MSN: variants seen among roughly 807,000 people sequenced by gnomAD.
The protein encoded by MSN is moesin.
MSN carries 2 observed loss-of-function variants against 48.0 expected under a neutral mutation model. That is an observed-to-expected ratio of 0.04 (90% confidence interval 0.02 to 0.13). The LOEUF (loss-of-function observed/expected upper bound fraction) is 0.13. MSN is among the 10% of genes least tolerant of loss of function. The pLI, the probability that MSN is intolerant of heterozygous loss-of-function variation, is 1.00. For missense variants in MSN, 267 were observed against 470.1 expected (o/e 0.57, Z 3.99); for synonymous variants, 146 against 166.9 (o/e 0.87, Z 0.97).
At chrX:65,729,364 T>C in intron 3 of MSN, 74 bp from the exon 4 acceptor site, 2 of 1,095,908 alleles carry the variant, frequency 1.8e-6, no homozygotes, top group Admixed American at 5.4e-5. Flanking sequence ...TTCAGTGTTT[T>C]CTCCCCACCC....
At chrX:65,603,154 C>T (rs2070251703) in intron 1 of MSN, among the ~76,000 whole-genome samples, 1 of 111,206 alleles carries the variant, frequency 9.0e-6, no homozygotes, top group Non-Finnish European at 1.9e-5. Context: ...ATTATTTGGG[C>T]GAGATGGTGG....
rs2071732946 is a variant in MSN at position 65,741,217 on chromosome X, C to G, written c.*1324C>G. On this transcript the variant is annotated 3_prime_UTR_variant, in exon 13 of 13. Coordinates refer to ENST00000360270, the MANE Select transcript of MSN (RefSeq NM_002444.3). ...GGCCTAGTCCCTTCCACACCCCCAC[C>G]CCTTGCTCTCAACCCAGGAGCATCC... 5.9e-6 allele frequency: 1 copy of G among 168,396 alleles called. No homozygotes were observed. Among genetic ancestry groups the G allele is most frequent in the Admixed American group, 8.0e-5 (1 of 12,424 alleles). 13.9% of individuals were successfully genotyped at this position (168,396 alleles called of 1,213,427 possible).
At chrX:65,688,076 G>C (rs777166756) in intron 1 of MSN, among the ~76,000 whole-genome samples, 5 of 111,902 alleles carry the variant, frequency 4.5e-5, no homozygotes, top group Admixed American at 9.5e-5. Context: ...CTCTTGACAG[G>C]TTGGCTGGCA....
chrX:65,721,478 G>A (rs996388955), intron 2 of MSN, among the ~76,000 whole-genome samples: 6 of 111,901 alleles, frequency 5.4e-5, no homozygotes, highest in Non-Finnish European at 1.1e-4. Context: ...TTCAGATGAG[G>A]GAGCTATGAA....
intron 1 of MSN, among the ~76,000 whole-genome samples, chrX:65,669,052 C>T (rs899255178): frequency 8.9e-6 from 1 of 111,796 alleles, no homozygotes; most frequent in Non-Finnish European, 1.9e-5. Context: ...GTATACCAGC[C>T]TCACTGCCAA....
intron 6 of MSN, among the ~76,000 whole-genome samples, chrX:65,732,249 TG>T (rs1248820300): frequency 8.9e-6 from 1 of 112,216 alleles, no homozygotes; most frequent in Non-Finnish European, 1.9e-5. Flanking sequence ...GATGTGCTGC[TG>T]TAAGTGTAAA....
intron 1 of MSN, among the ~76,000 whole-genome samples, chrX:65,694,858 G>A (rs2071215564): frequency 8.9e-6 from 1 of 111,910 alleles, no homozygotes; most frequent in South Asian, 3.7e-4. Context: ...GGAGAAGAGG[G>A]ACATGAGACC....
At chrX:65,649,885 C>T (rs768475410) in intron 1 of MSN, among the ~76,000 whole-genome samples, 9 of 107,112 alleles carry the variant, frequency 8.4e-5, no homozygotes, top group East Asian at 5.8e-4. Context: ...AAATAACATA[C>T]GCACAAGCTC....
rs184460780 is a variant in MSN, at chrX:65,720,642, G to A, written c.96+3741G>A. Among the ~76,000 whole-genome samples the A allele has an allele frequency of 2.6e-4, 29 of 111,932 alleles. No individual in the cohort carries two copies. In the East Asian group the frequency reaches 4.5e-3, roughly 17 times the overall value. On this transcript the variant is annotated intron_variant, in intron 2 of 12. Transcript: ENST00000360270. ...GCTCTTGGGACCCATCATTCAAGGA[G>A]GCCCTCCTGGTAGAGCCTGGGCCTG... is the stretch of plus-strand genomic sequence containing the variant.
At chrX:65,687,272 T>C (rs1327854155) in intron 1 of MSN, among the ~76,000 whole-genome samples, 1 of 111,463 alleles carries the variant, frequency 9.0e-6, no homozygotes. Flanking sequence ...CGCTTGAATC[T>C]GGGAGGCAGA....
intron 1 of MSN, among the ~76,000 whole-genome samples, chrX:65,593,615 T>C (rs143684143): frequency 0.017 from 1,891 of 112,134 alleles, 47 homozygotes; most frequent in African/African-American, 0.058. Context: ...TGATCTCAGC[T>C]CACTGCAACC....
chrX:65,683,942 C>CTT (rs370356986), intron 1 of MSN, among the ~76,000 whole-genome samples: 22 of 80,457 alleles, frequency 2.7e-4, no homozygotes, highest in African/African-American at 4.9e-4. Flanking sequence ...CTTTCTTTTT[C>CTT]TTTTTTTTTT....
intron 1 of MSN, among the ~76,000 whole-genome samples, chrX:65,629,819 C>T (rs1166251031): frequency 8.9e-6 from 1 of 112,016 alleles, no homozygotes; most frequent in Admixed American, 9.5e-5. Flanking sequence ...CTGGGAGATA[C>T]AATTCAAGTT....
chrX:65,671,338 C>T (rs1323689088), intron 1 of MSN, among the ~76,000 whole-genome samples: 2 of 110,587 alleles, frequency 1.8e-5, no homozygotes, highest in Admixed American at 9.7e-5. Flanking sequence ...GAAAGGCAAT[C>T]GAGTGGTCAT....
upstream of MSN, chrX:65,667,580 G>T (rs1478614783): frequency 2.1e-5 from 18 of 873,031 alleles, no homozygotes; most frequent in African/African-American, 2.6e-4. Flanking sequence ...AGCGGTCGGC[G>T]GGGAGGCGGG....
intron 1 of MSN, among the ~76,000 whole-genome samples, chrX:65,680,581 C>A (rs750963238): frequency 4.5e-5 from 5 of 110,897 alleles, no homozygotes; most frequent in Non-Finnish European, 9.4e-5. Flanking sequence ...TAGGGAGGTC[C>A]CTTTGGTACC....
At chrX:65,736,709 T>C (rs1019636788) in intron 8 of MSN, 86 bp from the exon 9 acceptor site, 3 of 1,060,844 alleles carry the variant, frequency 2.8e-6, no homozygotes, top group Non-Finnish European at 3.8e-6. Context: ...GTGCTGGGAT[T>C]ACAGGTGTGA....
At chrX:65,706,345 A>C (rs774148812) in intron 1 of MSN, among the ~76,000 whole-genome samples, 1 of 111,586 alleles carries the variant, frequency 9.0e-6, no homozygotes, top group African/African-American at 3.3e-5. Context: ...GCCAAGGAAG[A>C]TACTAGAACT....
intron 2 of MSN, among the ~76,000 whole-genome samples, chrX:65,723,613 C>A (rs1157240446): frequency 8.9e-6 from 1 of 111,969 alleles, no homozygotes; most frequent in African/African-American, 3.2e-5. Flanking sequence ...AAGCTAGATG[C>A]TAAGCTCTCA....
Sources: gnomAD v4.1 joint callset for allele counts (sites outside exome capture counted in the v4.1 genomes callset) on GRCh38, gnomAD v4.1.1 for gene constraint, MANE v1.5 for transcripts, NCBI Gene and HGNC (gene_info 2026-07-23, HGNC 2026-07-21) for gene names.